The following TRAPPC11 variants were observed in gnomAD, a reference collection of about 807,000 sequenced individuals.
The protein encoded by TRAPPC11 is foie gras homolog.
Under a neutral mutation model 151.2 loss-of-function variants are expected in TRAPPC11, and 104 were observed. That is an observed-to-expected ratio of 0.69 (90% CI 0.59 to 0.81). TRAPPC11 has a LOEUF of 0.81. Among genes scored for constraint, TRAPPC11 ranks in the 30% least tolerant of loss-of-function variants. TRAPPC11 has a pLI of 0.00. For synonymous variants in TRAPPC11, 456 were observed against 472.3 expected (o/e 0.97, Z 0.45); for missense variants, 1,230 against 1,349.6 (o/e 0.91, Z 1.39).
intron 7 of TRAPPC11, among the ~76,000 whole-genome samples, chr4:183,676,278 T>A (rs1735405647): frequency 6.6e-6 from 1 of 151,978 alleles, no homozygotes; most frequent in South Asian, 2.1e-4. Flanking sequence ...GCCTCCCGAG[T>A]AGCTGGGACT....
At chr4:183,674,213 A>G (rs1341318177) in intron 5 of TRAPPC11, among the ~76,000 whole-genome samples, 1 of 152,132 alleles carries the variant, frequency 6.6e-6, no homozygotes, top group Non-Finnish European at 1.5e-5. Context: ...CAGGAGATCA[A>G]CACCAGCCCT....
chr4:183,706,320 G>C (rs570001405), intron 27 of TRAPPC11, among the ~76,000 whole-genome samples: 1 of 152,088 alleles, frequency 6.6e-6, no homozygotes, highest in Non-Finnish European at 1.5e-5. Flanking sequence ...TCAGGAGATC[G>C]AGACCATCCT....
Position 183,682,692 on chromosome 4 carries a change from T to A in TRAPPC11, c.1114-40T>A, listed in dbSNP as rs116006725. The A allele has an allele frequency of 2.8e-6, 4 of 1,439,228 alleles. No homozygotes were observed. The African/African-American group carries it at 4.2e-5, about 15-fold the overall frequency. 89.2% of individuals were successfully genotyped at this position (1,439,228 alleles called of 1,614,324 possible). A position where few individuals can be genotyped will look rare whatever the true frequency, so the allele number is the denominator to read the frequency against. On this transcript the variant is annotated intron_variant, in intron 10 of 29. Transcript: ENST00000334690. ...TGGGCAAGAGTTGATTTGCGATGAG[T>A]TCCATAAACTATTATTTAGGTTTGT...
intron 1 of TRAPPC11, among the ~76,000 whole-genome samples, chr4:183,661,361 C>CT (rs139201416): frequency 0.24 from 19,425 of 79,830 alleles, 2,922 homozygotes; most frequent in East Asian, 0.3. Context: ...TGTAGATTAC[C>CT]TTTTTTTTTT....
chr4:183,673,450 G>T (rs887121121), intron 5 of TRAPPC11, among the ~76,000 whole-genome samples: 2 of 152,094 alleles, frequency 1.3e-5, no homozygotes, highest in African/African-American at 4.8e-5. Context: ...GAGGCATTTG[G>T]ATCGTTTAAG....
chr4:183,698,344 T>C (rs1316132447), intron 25 of TRAPPC11, among the ~76,000 whole-genome samples: 1 of 152,220 alleles, frequency 6.6e-6, no homozygotes, highest in East Asian at 1.9e-4. Context: ...TTTCAGAATG[T>C]CTTCATGAGT....
At position 183,712,972 on chromosome 4, in the gene TRAPPC11, T is replaced by A; in HGVS notation, c.*328T>A. ...TATCAGGAAAATTAAGCATCCCAAG[T>A]GTGACTGGACAAAGAGAGCAGATGC... On this transcript the variant is annotated 3_prime_UTR_variant, in exon 30 of 30. Coordinates refer to ENST00000334690, the MANE Select transcript of TRAPPC11 (RefSeq NM_021942.6). The A allele has an allele frequency of 3.5e-6, 1 of 287,050 alleles. No homozygotes were observed. Among genetic ancestry groups the A allele is most frequent in the Non-Finnish European group, 6.5e-6 (1 of 153,454 alleles). The allele number at this position is 287,050 out of a possible 1,614,324, so 17.8% of individuals were successfully genotyped here.
chr4:183,694,727 T>C lies in TRAPPC11; in HGVS notation c.2628+4T>C. 1 of 1,590,014 alleles carries C rather than the reference T, an allele frequency of 6.3e-7. No individual in the cohort carries two copies. Among genetic ancestry groups the C allele is most frequent in the Non-Finnish European group, 8.5e-7 (1 of 1,172,648 alleles). ...AATTGTTTGCAAGTGTCACAAGGTA[T>C]TTTTTTATAGCTACTTTATAAAGCA... On this transcript the variant is annotated splice_donor_region_variant and intron_variant, in intron 23 of 29. Transcript: ENST00000334690.
chr4:183,708,475 A>G lies in TRAPPC11; in HGVS notation c.3258A>G (p.Gly1086=), dbSNP rs1453812761. ...MLYNFYPLMA[G]YQQLPSLNIN... is the part of the protein sequence containing the mutation. ...ATAATTTCTATCCTCTGATGGCTGG[A>G]TACCAGCAGCTGCCATCTCTCAACA... The change falls in exon 29 of 30, where the codon GGA becomes GGG. Residue 1086 remains glycine, a synonymous_variant. Coordinates refer to ENST00000334690, the MANE Select transcript of TRAPPC11 (RefSeq NM_021942.6). 1.2e-6 allele frequency: 2 copies of G among 1,614,132 alleles called. No homozygotes were observed. The highest frequency in any genetic ancestry group is 2.2e-5 in the East Asian group (1 of 44,870).
chr4:183,693,680 C>G lies in TRAPPC11; in HGVS notation c.2329C>G (p.Gln777Glu), dbSNP rs749873235. ...NEMYCLVVTV[Q>E]SHEKTQIRDV... ...AATGTATTGTTTGGTTGTGACTGTT[C>G]AGTCCCATGAAAAGACCCAAATCAG... Residue 777 changes from glutamine to glutamate, a missense_variant, in exon 21 of 30, where the codon CAG becomes GAG. By Grantham distance (29) the Gln-to-Glu change is conservative. Transcript: ENST00000334690. 1 of 1,614,112 alleles carries G rather than the reference C, an allele frequency of 6.2e-7. No individual in the cohort carries two copies. Among genetic ancestry groups the G allele is most frequent in the South Asian group, 1.1e-5 (1 of 91,070 alleles).
chr4:183,661,390 A>G (rs755613117), intron 1 of TRAPPC11, among the ~76,000 whole-genome samples: 23 of 94,810 alleles, frequency 2.4e-4, no homozygotes, highest in East Asian at 1.4e-3. Flanking sequence ...TTTTTTTGAG[A>G]CGGAGTCTCC....
Position 183,705,022 on chromosome 4 carries a change from A to T in TRAPPC11, c.3007A>T (p.Thr1003Ser). ...TATCCCCATCATCACAACTGTCATCACTCTGCCGCACGTGATTGTGGAGAA... is the reference window on the plus strand; with the variant it reads ...TATCCCCATCATCACAACTGTCATCTCTCTGCCGCACGTGATTGTGGAGAA... ...ENIPIITTVI[T>S]LPHVIVENIP... Residue 1003 changes from threonine to serine, a missense_variant, in exon 27 of 30, where the codon ACT becomes TCT. Transcript: ENST00000334690. 6.2e-7 allele frequency: 1 copy of T among 1,601,754 alleles called. No individual in the cohort carries two copies. Among genetic ancestry groups the T allele is most frequent in the South Asian group, 1.1e-5 (1 of 89,406 alleles).
chr4:183,707,693 C>T (rs2111104036), intron 28 of TRAPPC11, among the ~76,000 whole-genome samples: 1 of 152,202 alleles, frequency 6.6e-6, no homozygotes, highest in Admixed American at 6.5e-5. Context: ...TTGTTAAATG[C>T]AAAATAGAAT....
At chr4:183,704,776 G>A (rs939706004) in intron 26 of TRAPPC11, among the ~76,000 whole-genome samples, 1 of 152,038 alleles carries the variant, frequency 6.6e-6, no homozygotes, top group African/African-American at 2.4e-5. Context: ...TCGCGCCACT[G>A]CACTCCAGTC....
intron 13 of TRAPPC11, 25 bp downstream of exon 13, chr4:183,684,248 T>G: frequency 1.2e-6 from 2 of 1,612,996 alleles, no homozygotes; most frequent in Non-Finnish European, 8.5e-7. Flanking sequence ...ACGTCACCAT[T>G]GCATGCAACT....
At chr4:183,683,910 A>T (rs1469757501) in intron 11 of TRAPPC11, 65 bp from the exon 12 acceptor site, 1 of 1,276,004 alleles carries the variant, frequency 7.8e-7, no homozygotes, top group Admixed American at 1.7e-5. Context: ...GTACACATAC[A>T]ACGTTCATAT....
chr4:183,670,475 G>A (rs534225946), intron 5 of TRAPPC11, among the ~76,000 whole-genome samples: 2 of 152,256 alleles, frequency 1.3e-5, no homozygotes, highest in African/African-American at 2.4e-5. Flanking sequence ...TAAAAACCAC[G>A]CACATACTTT....
intron 18 of TRAPPC11, among the ~76,000 whole-genome samples, chr4:183,690,451 T>C (rs1264514090): frequency 6.6e-6 from 1 of 152,192 alleles, no homozygotes; most frequent in Non-Finnish European, 1.5e-5. Context: ...AGGATTGTTC[T>C]CTTCTGGGAA....
At chr4:183,665,980 T>C (rs1734861299) in intron 2 of TRAPPC11, among the ~76,000 whole-genome samples, 2 of 148,442 alleles carry the variant, frequency 1.3e-5, no homozygotes, top group Non-Finnish European at 3.0e-5. Flanking sequence ...CTTGACATCA[T>C]TAGACATGCA....
Sources: allele counts gnomAD v4.1 joint callset (sites outside exome capture counted in the v4.1 genomes callset), GRCh38; gene constraint gnomAD v4.1.1; transcripts MANE v1.5; gene names NCBI Gene and HGNC (gene_info 2026-07-23, HGNC 2026-07-21).